NCKAP5: variants seen among roughly 807,000 people sequenced by gnomAD.
NCKAP5 encodes NCK associated protein 5.
Under a neutral mutation model 167.0 loss-of-function variants are expected in NCKAP5, and 92 were observed. The observed-to-expected ratio is 0.55, with a 90% CI of 0.47 to 0.66. The LOEUF (loss-of-function observed/expected upper bound fraction) is 0.66, where lower values mean the gene tolerates loss of function less well. Ranked by LOEUF, NCKAP5 falls within the 30% of genes least tolerant of loss-of-function variation. The pLI is 0.00. For missense variants in NCKAP5, 2,378 were observed against 2,315.0 expected (o/e 1.03, Z -0.56); for synonymous variants, 891 against 877.4 (o/e 1.02, Z -0.27).
intron 16 of NCKAP5, among the ~76,000 whole-genome samples, chr2:132,764,345 G>C (rs920816143): frequency 6.6e-6 from 1 of 152,170 alleles, no homozygotes; most frequent in African/African-American, 2.4e-5. Context: ...ACATGGTCCT[G>C]TTTTCATGGG....
At chr2:132,918,313 C>T (rs1034402264) in intron 8 of NCKAP5, among the ~76,000 whole-genome samples, 3 of 152,254 alleles carry the variant, frequency 2.0e-5, no homozygotes, top group Admixed American at 2.0e-4. Context: ...TTATTTCCCT[C>T]TACAGAAGAT....
chr2:133,212,738 CTG>C (rs1166295632), intron 5 of NCKAP5, among the ~76,000 whole-genome samples: 1 of 152,194 alleles, frequency 6.6e-6, no homozygotes, highest in African/African-American at 2.4e-5. Flanking sequence ...AAAATAAACA[CTG>C]TGATCACCTT....
intron 6 of NCKAP5, among the ~76,000 whole-genome samples, chr2:133,031,313 T>G (rs1311516681): frequency 6.6e-6 from 1 of 151,588 alleles, no homozygotes; most frequent in Admixed American, 6.6e-5. Context: ...AACACAGTGA[T>G]TGTGAAGCAT....
intron 3 of NCKAP5, among the ~76,000 whole-genome samples, chr2:133,355,005 T>C (rs1684613589): frequency 6.6e-6 from 1 of 152,248 alleles, no homozygotes; most frequent in African/African-American, 2.4e-5. Flanking sequence ...AAAATACTCA[T>C]TTGAGGCCTT....
rs115956603 is a variant in NCKAP5, at chr2:132,849,159, A to T, written c.807+11333T>A. On this transcript the variant is annotated intron_variant, in intron 11 of 19. Coordinates refer to ENST00000409261, the MANE Select transcript of NCKAP5 (RefSeq NM_207363.3). ...GGGTCCCTGAATATCTTGAAGTTAC[A>T]AGCTAATTTCTCTCTGTATATAGGG... Among the ~76,000 whole-genome samples the T allele has an allele frequency of 5.8e-3, 878 of 152,266 alleles. 7 individuals carry two copies. The highest frequency in any genetic ancestry group is 0.019 in the African/African-American group (804 of 41,550).
Position 133,077,555 on chromosome 2 carries a change from A to G in NCKAP5, c.341+52423T>C, listed in dbSNP as rs527255900. 1.1e-4 allele frequency among the ~76,000 whole-genome samples: 17 copies of G among 152,314 alleles called. No individual in the cohort carries two copies. In the East Asian group the frequency reaches 3.3e-3, roughly 29 times the overall value. On this transcript the variant is annotated intron_variant, in intron 6 of 19. Coordinates refer to ENST00000409261, the MANE Select transcript of NCKAP5 (RefSeq NM_207363.3). ...AAACTTCTCACTACTTACTGCTTTT[A>G]GCATTTTGTTTCCTGCCAACATGAA... is the stretch of plus-strand genomic sequence containing the variant.
the NCKAP5 span, among the ~76,000 whole-genome samples, chr2:133,595,308 A>G: frequency 6.6e-6 from 1 of 151,036 alleles, no homozygotes; most frequent in Admixed American, 6.6e-5. Flanking sequence ...GCCCAGCACT[A>G]CTCTATTATC....
intron 5 of NCKAP5, among the ~76,000 whole-genome samples, chr2:133,178,432 G>A (rs2084566585): frequency 7.2e-6 from 1 of 139,748 alleles, no homozygotes; most frequent in Non-Finnish European, 1.5e-5. Context: ...CTGAACCCGG[G>A]AAGTGGAAGT....
In NCKAP5 at chr2:133,130,011, A is replaced by G. The variant is rs760055966; in HGVS notation, c.308T>C (p.Ile103Thr). The G allele has an allele frequency of 6.2e-7, 1 of 1,610,596 alleles. No homozygotes were observed. The highest frequency in any genetic ancestry group is 1.1e-5 in the South Asian group (1 of 90,172). Residue 103 changes from isoleucine to threonine, a missense_variant, in exon 6 of 20, where the codon ATT (isoleucine) becomes ACT (threonine). Physicochemically the swap from Ile to Thr is moderately conservative, Grantham distance 89. Transcript: ENST00000409261. ...CTGCTGCTGCAAGCTACGCATCTGA[A>G]TTCTGTTGCGTTCAGACTCTAGGGT... ...EVTLESERNR[I>T]QMRSLQQQFS...
intron 8 of NCKAP5, among the ~76,000 whole-genome samples, chr2:132,887,425 CT>C (rs1692338926): frequency 6.7e-6 from 1 of 148,198 alleles, no homozygotes; most frequent in African/African-American, 2.5e-5. Context: ...GTAATTGTGG[CT>C]TTTGCCATTA....
chr2:133,208,330 C>CCTAT (rs1393149571), intron 5 of NCKAP5, among the ~76,000 whole-genome samples: 1 of 151,976 alleles, frequency 6.6e-6, no homozygotes, highest in Non-Finnish European at 1.5e-5. Flanking sequence ...AGAGCGAGAC[C>CCTAT]CTATCTCAAA....
rs148243606 is a variant in NCKAP5 at position 133,499,472 on chromosome 2, C to T, written c.69+17986G>A. 3.5e-3 allele frequency among the ~76,000 whole-genome samples: 540 copies of T among 152,334 alleles called. 3 individuals are homozygous for T. Among genetic ancestry groups the T allele is most frequent in the African/African-American group, 0.012 (497 of 41,574 alleles). ...ACACCAGGTGGACACATCTTCTTGCCACCTCATCAGCGGGCATACCACATA... is the reference window on the plus strand; with the variant it reads ...ACACCAGGTGGACACATCTTCTTGCTACCTCATCAGCGGGCATACCACATA... On this transcript the variant is annotated intron_variant, in intron 3 of 19. Coordinates refer to ENST00000409261, the MANE Select transcript of NCKAP5 (RefSeq NM_207363.3).
At chr2:132,905,721 C>T (rs1001306929) in intron 8 of NCKAP5, among the ~76,000 whole-genome samples, 13 of 151,972 alleles carry the variant, frequency 8.6e-5, no homozygotes, top group South Asian at 2.1e-4. Context: ...TGAATTTTCC[C>T]GATAATTTTT....
At chr2:133,006,403 C>A (rs969539092) in intron 6 of NCKAP5, among the ~76,000 whole-genome samples, 1 of 152,188 alleles carries the variant, frequency 6.6e-6, no homozygotes, top group Non-Finnish European at 1.5e-5. Context: ...GTTAATATTT[C>A]TCCACAGTTG....
At chr2:133,496,299 T>C (rs996025053) in intron 3 of NCKAP5, among the ~76,000 whole-genome samples, 1 of 152,214 alleles carries the variant, frequency 6.6e-6, no homozygotes, top group African/African-American at 2.4e-5. Context: ...TACTGAAAAT[T>C]ACCTTTCTGA....
chr2:133,413,298 G>A (rs1007114776), intron 3 of NCKAP5, among the ~76,000 whole-genome samples: 1 of 152,248 alleles, frequency 6.6e-6, no homozygotes, highest in Non-Finnish European at 1.5e-5. Context: ...AGCTTCAGCT[G>A]TTAGGACCCA....
chr2:132,939,411 G>A (rs1368944771), intron 8 of NCKAP5, among the ~76,000 whole-genome samples: 1 of 152,172 alleles, frequency 6.6e-6, no homozygotes, highest in Non-Finnish European at 1.5e-5. Flanking sequence ...GATGGGTAGG[G>A]TGGGTAGAAG....
At chr2:133,257,731 C>T (rs1035861914) in intron 4 of NCKAP5, among the ~76,000 whole-genome samples, 31 of 152,246 alleles carry the variant, frequency 2.0e-4, no homozygotes, top group African/African-American at 6.7e-4. Context: ...ACCTAGAGGC[C>T]GGTTCTTGGA....
chr2:133,485,708 T>C (rs886170255), intron 3 of NCKAP5, among the ~76,000 whole-genome samples: 3 of 152,166 alleles, frequency 2.0e-5, no homozygotes, highest in Non-Finnish European at 4.4e-5. Context: ...CAATATTATA[T>C]GGATAACTCA....
Sources: allele counts gnomAD v4.1 joint callset (sites outside exome capture counted in the v4.1 genomes callset), GRCh38; gene constraint gnomAD v4.1.1; transcripts MANE v1.5; gene names NCBI Gene and HGNC (gene_info 2026-07-23, HGNC 2026-07-21).